KIRREL3: variants seen among roughly 807,000 people sequenced by gnomAD.
The protein encoded by KIRREL3 is kirre like nephrin family adhesion molecule 3.
In KIRREL3, 36 loss-of-function variants were observed where a neutral mutation model predicts 89.7. The observed-to-expected ratio is 0.40, with a 90% CI of 0.31 to 0.53. The LOEUF is 0.53. Ranked by LOEUF, KIRREL3 falls within the 20% of genes least tolerant of loss-of-function variation. The probability of loss-of-function intolerance (pLI) is 0.49; values close to 1 mark genes in which losing one functional copy is unlikely to be tolerated. For missense variants in KIRREL3, 864 were observed against 1,056.6 expected, an observed-to-expected ratio of 0.82 and a Z score of 2.53; for synonymous variants, 445 against 441.4, an observed-to-expected ratio of 1.01 and a Z score of -0.10.
intron 1 of KIRREL3, among the ~76,000 whole-genome samples, chr11:126,785,439 TG>T (rs1950457659): frequency 6.6e-6 from 1 of 152,092 alleles, no homozygotes; most frequent in Non-Finnish European, 1.5e-5. Context: ...ACATGCCCTG[TG>T]ATATGAAGCG....
Position 126,446,765 on chromosome 11 carries a change from G to T in KIRREL3, c.1119C>A (p.Ser373=). Residue 373 remains serine (S), a synonymous_variant, in exon 9 of 17, where the codon TCC becomes TCA. Transcript: ENST00000525144. ...SLTIVWMKRG[S]GVVLSNEKTL... ...GTCTGAGCTGCAGCCTCACCACTCC[G>T]GAGCCCCGCTTCATCCAGACGATGG... 1 of 1,599,818 alleles carries T rather than the reference G, an allele frequency of 6.3e-7. No homozygotes were observed.
chr11:126,923,546 T>C (rs12281700), intron 1 of KIRREL3, among the ~76,000 whole-genome samples: 95,959 of 149,184 alleles, frequency 0.64, 32,365 homozygotes, highest in Middle Eastern at 0.84. Flanking sequence ...AGGGTTCAAG[T>C]GATTCTCCTG....
In KIRREL3 at chr11:126,424,127, G is replaced by A. The variant is rs924204883; in HGVS notation, c.*453C>T. The A allele has an allele frequency of 4.1e-5, 8 of 193,176 alleles. No homozygotes were observed. The highest frequency in any genetic ancestry group is 2.4e-3 in the Middle Eastern group (1 of 418). The allele number at this position is 193,176 out of a possible 1,614,324, so 12.0% of individuals were successfully genotyped here. ...TGGGGCAGCTCAGTGCTGGGAAGAC[G>A]TCATCCCCTTCTCCCCAGGGCTGTA... On this transcript the variant is annotated 3_prime_UTR_variant, in exon 17 of 17. Coordinates refer to ENST00000525144, the MANE Select transcript of KIRREL3 (RefSeq NM_032531.4).
chr11:126,517,074 C>CA (rs1157600817), intron 4 of KIRREL3, among the ~76,000 whole-genome samples: 1 of 134,624 alleles, frequency 7.4e-6, no homozygotes, highest in East Asian at 2.1e-4. Context: ...TCTCAAAAAA[C>CA]AAAAAACAAA....
At chr11:126,554,250 C>T (rs1172251102) in intron 2 of KIRREL3, among the ~76,000 whole-genome samples, 1 of 152,194 alleles carries the variant, frequency 6.6e-6, no homozygotes, top group Admixed American at 6.5e-5. Context: ...GCGCACCCAC[C>T]TTCCAAGACA....
At position 126,521,847 on chromosome 11, in the gene KIRREL3, C is replaced by T. The variant is rs562393392; in HGVS notation, c.284-383G>A. Among the ~76,000 whole-genome samples, 3 of 152,028 alleles carry T rather than the reference C, an allele frequency of 2.0e-5. No homozygotes were observed. Among genetic ancestry groups the T allele is most frequent in the African/African-American group, 4.8e-5 (2 of 41,398 alleles). On this transcript the variant is annotated intron_variant, in intron 3 of 16. Coordinates refer to ENST00000525144, the MANE Select transcript of KIRREL3 (RefSeq NM_032531.4). This position sits in a 1 kb window ranked among gnomAD's most constrained non-coding sequence, Gnocchi z 4.1. ...GCAGGCTCCACTTCCCAGACTCAAA[C>T]GATCCTCCCACCTCAGCCTCCCAAG...
At chr11:126,478,625 G>A (rs1453754908) in intron 4 of KIRREL3, among the ~76,000 whole-genome samples, 4 of 151,746 alleles carry the variant, frequency 2.6e-5, no homozygotes, top group Non-Finnish European at 5.9e-5. Context: ...GTGTGTATGT[G>A]TGTATGCGTG....
At chr11:126,916,286 T>C (rs1274546929) in intron 1 of KIRREL3, among the ~76,000 whole-genome samples, 1 of 152,220 alleles carries the variant, frequency 6.6e-6, no homozygotes, top group African/African-American at 2.4e-5. Flanking sequence ...CCAGTGCTTC[T>C]GAAGGTTGAG....
chr11:126,985,072 A>G lies in KIRREL3; in HGVS notation c.55+15383T>C, dbSNP rs1949823204. Among the ~76,000 whole-genome samples the G allele has an allele frequency of 6.6e-6, 1 of 152,148 alleles. No individual in the cohort carries two copies. Among genetic ancestry groups the G allele is most frequent in the South Asian group, 2.1e-4 (1 of 4,820 alleles). On this transcript the variant is annotated intron_variant, in intron 1 of 16. Transcript: ENST00000525144. This position sits in a 1 kb window ranked among gnomAD's most constrained non-coding sequence, Gnocchi z 5.3. The stretch of plus-strand genomic sequence containing the variant: ...GTTCTGGAACTATGAAATACTATAC[A>G]CATGCAAGGAAGGATTAAATTATTA...
intron 1 of KIRREL3, among the ~76,000 whole-genome samples, chr11:126,869,318 G>A (rs1945027757): frequency 6.6e-6 from 1 of 152,024 alleles, no homozygotes; most frequent in South Asian, 2.1e-4. Context: ...TGTACAGGAT[G>A]AGACCTGGCT....
chr11:126,732,386 T>C (rs1259484129), intron 1 of KIRREL3, among the ~76,000 whole-genome samples: 3 of 152,168 alleles, frequency 2.0e-5, no homozygotes, highest in Admixed American at 2.0e-4. Flanking sequence ...TGAGGACCCC[T>C]GAGAAAATAT....
At chr11:126,663,850 G>C (rs940189106) in intron 1 of KIRREL3, among the ~76,000 whole-genome samples, 3 of 152,242 alleles carry the variant, frequency 2.0e-5, no homozygotes, top group African/African-American at 7.2e-5. Context: ...AAGAAAGATG[G>C]GGAATGAGGA....
In KIRREL3 at chr11:126,769,411, T is replaced by C. The variant is rs757833194; in HGVS notation, c.56-206499A>G. 6.6e-6 allele frequency among the ~76,000 whole-genome samples: 1 copy of C among 152,140 alleles called. No homozygotes were observed. The highest frequency in any genetic ancestry group is 1.5e-5 in the Non-Finnish European group (1 of 68,026). On this transcript the variant is annotated intron_variant, in intron 1 of 16. Coordinates refer to ENST00000525144, the MANE Select transcript of KIRREL3 (RefSeq NM_032531.4). The surrounding 1 kb of genome is among the most constrained non-coding windows in gnomAD (Gnocchi z 4.3). Reference sequence around the variant, plus strand: ...ACAAATCCTGCAATATCTGTCCAAGTCAACATGAGACATTATTGGATAGAT... The same window carrying C: ...ACAAATCCTGCAATATCTGTCCAAGCCAACATGAGACATTATTGGATAGAT...
rs1942300825 is a variant in KIRREL3, at chr11:126,594,591, T to C, written c.56-31679A>G. Among the ~76,000 whole-genome samples, 1 of 152,084 alleles carries C rather than the reference T, an allele frequency of 6.6e-6. No homozygotes were observed. Among genetic ancestry groups the C allele is most frequent in the African/African-American group, 2.4e-5 (1 of 41,364 alleles). ...ACTGCTGGAGGGTCTGGGCGGTCAT[T>C]TATCCTTGCTGGGCCTCAGAGGCCT... On this transcript the variant is annotated intron_variant, in intron 1 of 16. Transcript: ENST00000525144. The surrounding 1 kb of genome is among the most constrained non-coding windows in gnomAD (Gnocchi z 5.0).
At position 126,643,746 on chromosome 11, in the gene KIRREL3, C is replaced by T. The variant is rs189722011; in HGVS notation, c.56-80834G>A. Among the ~76,000 whole-genome samples, 10 of 151,810 alleles carry T rather than the reference C, an allele frequency of 6.6e-5. No individual in the cohort carries two copies. In the East Asian group the frequency reaches 1.2e-3, roughly 18 times the overall value. On this transcript the variant is annotated intron_variant, in intron 1 of 16. Coordinates refer to ENST00000525144, the MANE Select transcript of KIRREL3 (RefSeq NM_032531.4). This position sits in a 1 kb window ranked among gnomAD's most constrained non-coding sequence, Gnocchi z 4.5. ...GGCAGCAGTAATCTCAGTGAGATTA[C>T]GTGAGGATTTTAACAAAGCTGGTGA... is the stretch of plus-strand genomic sequence containing the variant.
In KIRREL3 at chr11:126,565,957, C is replaced by A. The variant is rs1409501139; in HGVS notation, c.56-3045G>T. Among the ~76,000 whole-genome samples, 1 of 152,100 alleles carries A rather than the reference C, an allele frequency of 6.6e-6. No individual in the cohort carries two copies. Among genetic ancestry groups the A allele is most frequent in the Non-Finnish European group, 1.5e-5 (1 of 68,020 alleles). ...GAATCTCTCTCTTTGTGAGGTAGAT[C>A]AGCCACCACCAGACTGTCACCTTCC... On this transcript the variant is annotated intron_variant, in intron 1 of 16. Transcript: ENST00000525144. This position sits in a 1 kb window ranked among gnomAD's most constrained non-coding sequence, Gnocchi z 5.4.
intron 1 of KIRREL3, among the ~76,000 whole-genome samples, chr11:126,878,521 C>T (rs558253788): frequency 1.3e-5 from 2 of 151,764 alleles, no homozygotes; most frequent in South Asian, 4.2e-4. Flanking sequence ...GCATTTTAAC[C>T]CATATATAAT....
Position 126,555,008 on chromosome 11 carries a change from C to T in KIRREL3, c.133+7827G>A, listed in dbSNP as rs1455658879. On this transcript the variant is annotated intron_variant, in intron 2 of 16. Coordinates refer to ENST00000525144, the MANE Select transcript of KIRREL3 (RefSeq NM_032531.4). The surrounding 1 kb of genome is among the most constrained non-coding windows in gnomAD (Gnocchi z 4.2). The stretch of plus-strand genomic sequence containing the variant: ...CCTTCTTCCTGCACCATCCCCTTTC[C>T]AACTCCTCATTCCGCCAAGAGCCCC... Among the ~76,000 whole-genome samples the T allele has an allele frequency of 1.3e-5, 2 of 152,168 alleles. No homozygotes were observed. Among genetic ancestry groups the T allele is most frequent in the Admixed American group, 6.5e-5 (1 of 15,284 alleles).
chr11:126,841,200 C>T (rs1245886465), intron 1 of KIRREL3, among the ~76,000 whole-genome samples: 1 of 152,206 alleles, frequency 6.6e-6, no homozygotes, highest in Admixed American at 6.5e-5. Flanking sequence ...AAGGGGTCTA[C>T]TGTCCTCTTG....
Sources: gnomAD v4.1 joint callset for allele counts (sites outside exome capture counted in the v4.1 genomes callset) on GRCh38, gnomAD v4.1.1 for gene constraint, Gnocchi (gnomAD v3.1) non-coding constraint, MANE v1.5 for transcripts, NCBI Gene and HGNC (gene_info 2026-07-23, HGNC 2026-07-21) for gene names.